MBNL1: variants seen among roughly 807,000 people sequenced by gnomAD.
The protein encoded by MBNL1 is muscleblind-like protein 1.
A neutral mutation model predicts 42.2 loss-of-function variants in MBNL1; 8 were observed. The observed-to-expected ratio is 0.19, with a 90% confidence interval of 0.11 to 0.34. The LOEUF is 0.34. MBNL1 is among the 10% of genes least tolerant of loss of function. The pLI is 1.00. For missense variants in MBNL1, 309 were observed against 495.3 expected, an observed-to-expected ratio of 0.62 and a Z score of 3.57; for synonymous variants, 169 against 173.9, an observed-to-expected ratio of 0.97 and a Z score of 0.22.
In MBNL1 at chr3:152,459,297, G is replaced by C. The variant is rs752348434; in HGVS notation, c.1119G>C (p.Leu373=). The change falls in exon 9 of 10, where the codon CTG becomes CTC. Residue 373 remains leucine, a synonymous_variant. Coordinates refer to ENST00000324210, the MANE Select transcript of MBNL1 (RefSeq NM_021038.5). ...NQIPIISAEH[L]TSHKYVTQM ...TACCCATAATATCTGCCGAACATCT[G>C]ACTAGCCACAAGTATGTTACCCAGA... 23 of 1,582,720 alleles carry C rather than the reference G, an allele frequency of 1.5e-5. No individual in the cohort carries two copies. Among genetic ancestry groups the C allele is most frequent in the Middle Eastern group, 1.7e-4 (1 of 5,994 alleles).
chr3:152,441,204 A>G (rs1052155194), intron 4 of MBNL1, among the ~76,000 whole-genome samples: 1 of 152,194 alleles, frequency 6.6e-6, no homozygotes, highest in Non-Finnish European at 1.5e-5. Flanking sequence ...ATTGACATTA[A>G]TCTCCTTAGA....
chr3:152,251,724 G>A (rs990232512), intron 2 of MBNL1, among the ~76,000 whole-genome samples: 2 of 151,760 alleles, frequency 1.3e-5, no homozygotes, highest in African/African-American at 2.4e-5. Flanking sequence ...TCCTGCTATC[G>A]TATCTAGAGG....
At chr3:152,275,577 C>T (rs1204085181) in intron 1 of MBNL1, among the ~76,000 whole-genome samples, 3 of 151,752 alleles carry the variant, frequency 2.0e-5, no homozygotes, top group East Asian at 1.9e-4. Flanking sequence ...GGCATGGTGG[C>T]GCATGCCTGT....
intron 2 of MBNL1, among the ~76,000 whole-genome samples, chr3:152,407,633 TTTAC>T (rs781043743): frequency 2.6e-5 from 4 of 152,230 alleles, no homozygotes; most frequent in East Asian, 3.9e-4. Context: ...AAAAATCCTA[TTTAC>T]TTATTTAGGT....
intron 8 of MBNL1, 61 bp from the exon 9 acceptor site, chr3:152,459,210 C>A: frequency 2.3e-6 from 2 of 858,068 alleles, no homozygotes; most frequent in Non-Finnish European, 3.6e-6. Flanking sequence ...AAAATGTTTT[C>A]ATCTCTTAAT....
intron 1 of MBNL1, among the ~76,000 whole-genome samples, chr3:152,276,956 G>A (rs932775983): frequency 1.3e-5 from 2 of 152,030 alleles, no homozygotes; most frequent in Admixed American, 6.6e-5. Flanking sequence ...GATAAGGTTA[G>A]GCTGCATAGG....
At chr3:152,442,282 A>G (rs1015701945) in intron 4 of MBNL1, among the ~76,000 whole-genome samples, 1 of 152,224 alleles carries the variant, frequency 6.6e-6, no homozygotes, top group African/African-American at 2.4e-5. Flanking sequence ...ACACTATTTG[A>G]TGAAATTTGA....
At chr3:152,326,778 ATTATTTAT>A (rs3988216) in intron 2 of MBNL1, among the ~76,000 whole-genome samples, 4,150 of 141,986 alleles carry the variant, frequency 0.029, 76 homozygotes, top group Non-Finnish European at 0.037. Context: ...CCTTGGGAAA[ATTATTTAT>A]TTATTTATTT....
intron 2 of MBNL1, among the ~76,000 whole-genome samples, chr3:152,350,381 A>G (rs1230783100): frequency 6.6e-6 from 1 of 152,084 alleles, no homozygotes; most frequent in Non-Finnish European, 1.5e-5. Context: ...TCACTAGTAA[A>G]TTGGGAGGTA....
At chr3:152,301,062 T>C (rs1276931528) in intron 2 of MBNL1, 1 of 233,882 alleles carries the variant, frequency 4.3e-6, no homozygotes, top group Non-Finnish European at 7.0e-6. Flanking sequence ...ATTAGCAGTT[T>C]ATTTTCTGTT....
chr3:152,316,353 ATACC>A (rs2071419339), intron 2 of MBNL1, among the ~76,000 whole-genome samples: 1 of 152,330 alleles, frequency 6.6e-6, no homozygotes, highest in African/African-American at 2.4e-5. Context: ...TTTGCTGCAA[ATACC>A]TATTAGACCC....
intron 2 of MBNL1, among the ~76,000 whole-genome samples, chr3:152,337,688 CTCT>C (rs1030263068): frequency 2.0e-5 from 3 of 151,218 alleles, no homozygotes; most frequent in South Asian, 2.1e-4. Context: ...TCTGTCCTTC[CTCT>C]TCTTTATCCT....
intron 3 of MBNL1, among the ~76,000 whole-genome samples, chr3:152,426,271 AACC>A (rs1288012704): frequency 1.3e-5 from 2 of 152,158 alleles, no homozygotes; most frequent in African/African-American, 2.4e-5. Context: ...GAGTGCAGCA[AACC>A]ACCATGTCCA....
intron 2 of MBNL1, among the ~76,000 whole-genome samples, chr3:152,392,789 A>G (rs2097774491): frequency 6.6e-6 from 1 of 152,230 alleles, no homozygotes; most frequent in African/African-American, 2.4e-5. Flanking sequence ...TTCTTCTGAA[A>G]GGTAGCTACT....
chr3:152,332,463 T>C (rs567563904), intron 2 of MBNL1, among the ~76,000 whole-genome samples: 1 of 152,190 alleles, frequency 6.6e-6, no homozygotes, highest in Non-Finnish European at 1.5e-5. Context: ...AGCAATTAGG[T>C]ACAGAGTTGT....
intron 1 of MBNL1, among the ~76,000 whole-genome samples, chr3:152,280,717 A>G (rs919304402): frequency 1.3e-5 from 2 of 152,156 alleles, no homozygotes; most frequent in African/African-American, 2.4e-5. Context: ...TGCACAGGAA[A>G]TAAAGCTGTA....
At position 152,322,733 on chromosome 3, in the gene MBNL1, AT is replaced by A. The variant is rs376894563; in HGVS notation, c.174+22372del. Among the ~76,000 whole-genome samples, 173 of 152,062 alleles carry A rather than the reference AT, an allele frequency of 1.1e-3. No individual in the cohort carries two copies. In the South Asian group the frequency reaches 0.019, roughly 17 times the overall value. Reference sequence around the variant, plus strand: ...CTGAAAAAGTTAACATTTTTCTGGCATTTTTTAAGCGCTAAGAGTAGAAATC... The same window carrying A: ...CTGAAAAAGTTAACATTTTTCTGGCATTTTTAAGCGCTAAGAGTAGAAATC... On this transcript the variant is annotated intron_variant, in intron 2 of 9. Coordinates refer to ENST00000324210, the MANE Select transcript of MBNL1 (RefSeq NM_021038.5).
At chr3:152,261,567 C>T (rs1399514497) in intron 2 of MBNL1, among the ~76,000 whole-genome samples, 1 of 152,092 alleles carries the variant, frequency 6.6e-6, no homozygotes, top group Non-Finnish European at 1.5e-5. Flanking sequence ...ATCAGATAAT[C>T]TCCTATCACC....
intron 2 of MBNL1, among the ~76,000 whole-genome samples, chr3:152,314,155 GT>G (rs1450105353): frequency 6.6e-6 from 1 of 152,040 alleles, no homozygotes; most frequent in Non-Finnish European, 1.5e-5. Context: ...AAATATTAAA[GT>G]TTATTTTTTC....
Sources: allele counts gnomAD v4.1 joint callset (sites outside exome capture counted in the v4.1 genomes callset), GRCh38; gene constraint gnomAD v4.1.1; transcripts MANE v1.5; gene names NCBI Gene and HGNC (gene_info 2026-07-23, HGNC 2026-07-21).